Variants in LAMP2 observed in about 807,000 individuals in gnomAD.
The protein encoded by LAMP2 is lysosome associated membrane protein 2.
A neutral mutation model predicts 25.6 loss-of-function variants in LAMP2; 4 were observed. That is an observed-to-expected ratio of 0.16 (90% confidence interval 0.08 to 0.36). LAMP2 has a LOEUF of 0.36. Ranked by LOEUF, LAMP2 falls within the 10% of genes least tolerant of loss-of-function variation. LAMP2 has a pLI of 1.00. For missense variants in LAMP2, 272 were observed against 301.4 expected (o/e 0.90, Z 0.72); for synonymous variants, 108 against 112.7 (o/e 0.96, Z 0.27).
Position 120,428,584 on chromosome X carries a change from G to A in LAMP2, c.*2739C>T, listed in dbSNP as rs2058508060. On this transcript the variant is annotated 3_prime_UTR_variant, in exon 9 of 9. Coordinates refer to ENST00000200639, the MANE Select transcript of LAMP2 (RefSeq NM_002294.3). ...GCCCAAGGCCACACCCACTGCAACA[G>A]GAATAAGAAAGTTGAGGTCAGAGTC... is the stretch of plus-strand genomic sequence containing the variant. 1 of 1,198,178 alleles carries A rather than the reference G, an allele frequency of 8.3e-7. No individual in the cohort carries two copies. The highest frequency in any genetic ancestry group is 1.1e-6 in the Non-Finnish European group (1 of 889,262).
chrX:120,439,212 A>G, intron 8 of LAMP2: 5 of 1,209,147 alleles, frequency 4.1e-6, no homozygotes, highest in African/African-American at 3.5e-5. Context: ...AGCAATCACT[A>G]TAACGATAAT....
chrX:120,454,124 G>A (rs1241956415), intron 3 of LAMP2, among the ~76,000 whole-genome samples: 8 of 109,300 alleles, frequency 7.3e-5, no homozygotes, highest in Non-Finnish European at 1.5e-4. Context: ...TTGCTGTCCC[G>A]CTCTGCACAA....
chrX:120,461,590 G>T (rs1921315755), intron 1 of LAMP2, among the ~76,000 whole-genome samples: 1 of 111,760 alleles, frequency 8.9e-6, no homozygotes, highest in South Asian at 3.6e-4. Flanking sequence ...ATGCTCCCTT[G>T]ATCAGATGAT....
Position 120,469,096 on chromosome X carries a change from G to A in LAMP2, c.64+10C>T. ...GCGGACAGACTAATCGGGAGGGCCC[G>A]ACAACTCACCCAGGACTAGGCAGAC... On this transcript the variant is annotated intron_variant, in intron 1 of 8. Coordinates refer to ENST00000200639, the MANE Select transcript of LAMP2 (RefSeq NM_002294.3). 2 of 1,210,648 alleles carry A rather than the reference G, an allele frequency of 1.7e-6. No individual in the cohort carries two copies. The highest frequency in any genetic ancestry group is 2.2e-6 in the Non-Finnish European group (2 of 894,274).
At position 120,430,198 on chromosome X, in the gene LAMP2, T is replaced by C. The variant is rs181690821; in HGVS notation, c.*1125A>G. The C allele has an allele frequency of 3.3e-4, 249 of 752,752 alleles. 2 individuals carry two copies. The African/African-American group carries it at 3.9e-3, about 12-fold the overall frequency. The allele number at this position is 752,752 out of a possible 1,213,427, so 62.0% of individuals were successfully genotyped here. ...TAGTCTATTAAGCCTTCCTTCTTTA[T>C]CTATGTTTCATGTCTGTGCTACTCT... On this transcript the variant is annotated 3_prime_UTR_variant, in exon 9 of 9. Coordinates refer to ENST00000200639, the MANE Select transcript of LAMP2 (RefSeq NM_002294.3).
chrX:120,430,182 A>G lies in LAMP2; in HGVS notation c.*1141T>C. ...CAATGTGGAAGTCTTCTAGTCTATT[A>G]AGCCTTCCTTCTTTATCTATGTTTC... On this transcript the variant is annotated 3_prime_UTR_variant, in exon 9 of 9. Transcript: ENST00000200639. 4.0e-6 allele frequency: 3 copies of G among 752,762 alleles called. No individual in the cohort carries two copies. The highest frequency in any genetic ancestry group is 4.7e-6 in the Non-Finnish European group (3 of 637,782). The allele number at this position is 752,762 out of a possible 1,213,427, so 62.0% of individuals were successfully genotyped here. A position where few individuals can be genotyped will look rare whatever the true frequency, so the allele number is the denominator to read the frequency against.
intron 8 of LAMP2, chrX:120,437,386 T>C (rs1164645535): frequency 1.4e-6 from 1 of 730,425 alleles, no homozygotes. Context: ...CATTTTCTAG[T>C]GAATGGGAGG....
intron 3 of LAMP2, among the ~76,000 whole-genome samples, chrX:120,454,898 G>T (rs866461911): frequency 3.4e-5 from 3 of 87,394 alleles, no homozygotes; most frequent in South Asian, 5.8e-4. Flanking sequence ...TATACTAGGA[G>T]ATATATATAT....
In LAMP2 at chrX:120,448,044, G is replaced by A; in HGVS notation, c.557-19C>T. On this transcript the variant is annotated intron_variant, in intron 4 of 8. Coordinates refer to ENST00000200639, the MANE Select transcript of LAMP2 (RefSeq NM_002294.3). ...AGGAACTCTAAAACAAGCGAAAAGG[G>A]ACAAAAGAAACCAAAGCGGACATTT... 1 of 1,202,841 alleles carries A rather than the reference G, an allele frequency of 8.3e-7. No individual in the cohort carries two copies. The highest frequency in any genetic ancestry group is 1.1e-6 in the Non-Finnish European group (1 of 887,740).
At chrX:120,455,240 C>T (rs1376663933) in intron 3 of LAMP2, 117 bp downstream of exon 3, 1 of 603,208 alleles carries the variant, frequency 1.7e-6, no homozygotes, top group Non-Finnish European at 2.7e-6. Context: ...GTTATAAAGA[C>T]ATGAAGTTTC....
At chrX:120,433,886 G>T (rs1008518894) in intron 8 of LAMP2, among the ~76,000 whole-genome samples, 3 of 111,719 alleles carry the variant, frequency 2.7e-5, no homozygotes, top group Non-Finnish European at 5.6e-5. Flanking sequence ...TTTCCCCGCC[G>T]CCCCCACTAG....
At chrX:120,451,728 A>G (rs1237309891) in intron 3 of LAMP2, among the ~76,000 whole-genome samples, 1 of 111,778 alleles carries the variant, frequency 8.9e-6, no homozygotes, top group East Asian at 2.8e-4. Flanking sequence ...AGCCTCCCAA[A>G]GTGCTGGGAT....
At chrX:120,439,169 T>A (rs2058560256) in intron 8 of LAMP2, 1 of 1,211,000 alleles carries the variant, frequency 8.3e-7, no homozygotes, top group Non-Finnish European at 1.1e-6. Flanking sequence ...GAGTCTGATA[T>A]CCAGCATAAC....
intron 3 of LAMP2, among the ~76,000 whole-genome samples, chrX:120,452,118 A>T (rs1288221908): frequency 9.0e-6 from 1 of 110,983 alleles, no homozygotes; most frequent in Non-Finnish European, 1.9e-5. Flanking sequence ...CTAATCCTGC[A>T]GAATATTCTT....
intron 6 of LAMP2, 44 bp downstream of exon 6, chrX:120,446,261 G>T (rs1332521490): frequency 8.6e-7 from 1 of 1,167,086 alleles, no homozygotes; most frequent in Admixed American, 2.2e-5. Context: ...TTTCAGATGT[G>T]TTTCTAAGAG....
In LAMP2 at chrX:120,446,422, A is replaced by C; in HGVS notation, c.747T>G (p.Ala249=). The change falls in exon 6 of 9, where the codon GCT becomes GCG. Residue 249 remains alanine, a synonymous_variant. Coordinates refer to ENST00000200639, the MANE Select transcript of LAMP2 (RefSeq NM_002294.3). The stretch of plus-strand genomic sequence containing the variant: ...TATTGGGGTTGATGTTAATAACTGA[A>C]GCAACCTTCAGGAGAAGAAGAAAGG... ...LQLNITQDKV[A]SVININPNTT... is the part of the protein sequence containing the mutation. The C allele has an allele frequency of 8.3e-7, 1 of 1,210,496 alleles. No homozygotes were observed. Among genetic ancestry groups the C allele is most frequent in the Non-Finnish European group, 1.1e-6 (1 of 894,549 alleles).
At chrX:120,463,339 T>A (rs946579848) in intron 1 of LAMP2, among the ~76,000 whole-genome samples, 4 of 112,205 alleles carry the variant, frequency 3.6e-5, no homozygotes, top group African/African-American at 1.3e-4. Flanking sequence ...AATATGTTTT[T>A]AAGCTATAAA....
At chrX:120,454,586 C>G (rs191197779) in intron 3 of LAMP2, among the ~76,000 whole-genome samples, 206 of 109,238 alleles carry the variant, frequency 1.9e-3, no homozygotes, top group African/African-American at 6.4e-3. Flanking sequence ...GACACCCCCC[C>G]CAACCCCCGA....
intron 8 of LAMP2, among the ~76,000 whole-genome samples, chrX:120,436,166 ACACACT>A (rs754136605): frequency 3.0e-3 from 248 of 83,557 alleles, no homozygotes; most frequent in African/African-American, 7.5e-3. Flanking sequence ...ACACACACAC[ACACACT>A]CTCTCTCTCT....
Sources: allele counts gnomAD v4.1 joint callset (sites outside exome capture counted in the v4.1 genomes callset), GRCh38; gene constraint gnomAD v4.1.1; transcripts MANE v1.5; gene names NCBI Gene and HGNC (gene_info 2026-07-23, HGNC 2026-07-21).